Variants in UTRN observed in about 807,000 individuals in gnomAD.
The protein encoded by UTRN is utrophin, also known as dystrophin-related protein 1.
Under a neutral mutation model 463.9 loss-of-function variants are expected in UTRN, and 283 were observed. That is an observed-to-expected ratio of 0.61 (90% confidence interval 0.55 to 0.67). The LOEUF is 0.67. Ranked by LOEUF, UTRN falls within the 30% of genes least tolerant of loss-of-function variation. The probability of loss-of-function intolerance (pLI) is 0.00; values close to 1 mark genes in which losing one functional copy is unlikely to be tolerated. For synonymous variants in UTRN, 1,442 were observed against 1,431.5 expected, an observed-to-expected ratio of 1.01 and a Z score of -0.17; for missense variants, 3,922 against 4,084.3, an observed-to-expected ratio of 0.96 and a Z score of 1.08.
rs1468799727 is a variant in UTRN at position 144,448,633 on chromosome 6, C to A, written c.1936C>A (p.Gln646Lys). ...TQAVAKLGMS[Q>K]IPQKDLLETV... The stretch of plus-strand genomic sequence containing the variant: ...GGCTGTAGCAAAGCTGGGGATGTCT[C>A]AGATTCCTCAGAAGGACCTTTTGGA... Residue 646 changes from glutamine (Q) to lysine (K), a missense_variant, in exon 17 of 75, where the codon CAG becomes AAG. Around this residue, in one of 3 missense-constraint regions of UTRN, gnomAD observed 2,349 missense variants for 2,303.8 expected, o/e 1.02. Transcript: ENST00000367545. The A allele has an allele frequency of 1.2e-5, 19 of 1,613,936 alleles. No homozygotes were observed. The highest frequency in any genetic ancestry group is 1.5e-5 in the Non-Finnish European group (18 of 1,179,896).
intron 51 of UTRN, among the ~76,000 whole-genome samples, chr6:144,600,329 G>GCAGGCCT (rs1392815054): frequency 6.6e-6 from 1 of 152,216 alleles, no homozygotes; most frequent in Non-Finnish European, 1.5e-5. Context: ...CAAAAGCCAG[G>GCAGGCCT]CAGGCCTCTT....
In UTRN at chr6:144,487,694, C is replaced by G. The variant is rs908627327; in HGVS notation, c.3969C>G (p.His1323Gln). Residue 1323 changes from histidine to glutamine, a missense_variant, in exon 29 of 75, where the codon CAC (histidine) becomes CAG (glutamine). His to Gln is a conservative substitution (Grantham distance 24). This residue lies in a region of UTRN where 2,349 missense variants were observed against 2,303.8 expected (regional missense o/e 1.02). Coordinates refer to ENST00000367545, the MANE Select transcript of UTRN (RefSeq NM_007124.3). The stretch of plus-strand genomic sequence containing the variant: ...ACAGCCGATATGAAGATCTAAGTCA[C>G]CTGGTAAGAGTTGGGACATACATGG... ...AFNSRYEDLS[H>Q]LAESKQISLE... 3 of 1,610,796 alleles carry G rather than the reference C, an allele frequency of 1.9e-6. No individual in the cohort carries two copies. The highest frequency in any genetic ancestry group is 3.4e-5 in the Admixed American group (2 of 59,676).
At chr6:144,752,408 G>T (rs1791498600) in intron 56 of UTRN, among the ~76,000 whole-genome samples, 1 of 151,690 alleles carries the variant, frequency 6.6e-6, no homozygotes, top group Non-Finnish European at 1.5e-5. Flanking sequence ...TACCAGTGGT[G>T]TTTACCTTTA....
intron 51 of UTRN, among the ~76,000 whole-genome samples, chr6:144,620,428 C>T (rs9497022): frequency 0.096 from 14,304 of 148,366 alleles, 1,580 homozygotes; most frequent in African/African-American, 0.27. Flanking sequence ...TTTCTTATTT[C>T]AAAAAATCAC....
chr6:144,766,523 CTG>C (rs151157981), intron 58 of UTRN, among the ~76,000 whole-genome samples: 3,554 of 152,224 alleles, frequency 0.023, 64 homozygotes, highest in Non-Finnish European at 0.036. Flanking sequence ...TTCTAATACA[CTG>C]TATAACTTAC....
intron 26 of UTRN, among the ~76,000 whole-genome samples, chr6:144,480,397 A>C (rs1791725320): frequency 6.6e-6 from 1 of 152,166 alleles, no homozygotes. Flanking sequence ...ATTTCCAAAC[A>C]TTTTCACAAA....
chr6:144,331,641 G>C (rs1465932529), intron 2 of UTRN, among the ~76,000 whole-genome samples: 1 of 152,178 alleles, frequency 6.6e-6, no homozygotes, highest in Non-Finnish European at 1.5e-5. Flanking sequence ...GCCAAGTTAC[G>C]TGATAGGCTG....
chr6:144,331,334 A>G (rs1776318265), intron 2 of UTRN, among the ~76,000 whole-genome samples: 1 of 152,214 alleles, frequency 6.6e-6, no homozygotes, highest in Non-Finnish European at 1.5e-5. Context: ...AGCCTGGCAC[A>G]GAACTTGGCA....
chr6:144,492,186 C>A (rs1190263664), intron 32 of UTRN, among the ~76,000 whole-genome samples: 2 of 152,106 alleles, frequency 1.3e-5, no homozygotes, highest in South Asian at 4.1e-4. Context: ...TCCTTCCCTC[C>A]TTTTGGAGTC....
intron 53 of UTRN, among the ~76,000 whole-genome samples, chr6:144,712,132 T>C (rs1785786008): frequency 6.6e-6 from 1 of 152,198 alleles, no homozygotes. Context: ...AAAAATTATT[T>C]TCCAAGTTCC....
At chr6:144,346,027 A>AAG (rs1777535901) in intron 2 of UTRN, among the ~76,000 whole-genome samples, 1 of 151,802 alleles carries the variant, frequency 6.6e-6, no homozygotes, top group Non-Finnish European at 1.5e-5. Context: ...AAAATACAAA[A>AAG]ATTAGTCGGG....
rs1312594166 is a variant in UTRN, at chr6:144,690,087, T to G, written c.7653-10000T>G. Among the ~76,000 whole-genome samples, 11 of 41,360 alleles carry G rather than the reference T, an allele frequency of 2.7e-4. 2 individuals carry two copies. Among genetic ancestry groups the G allele is most frequent in the East Asian group, 1.6e-3 (1 of 610 alleles). 27.1% of individuals were successfully genotyped at this position (41,360 alleles called of 152,430 possible). ...CCAAAAGTTTCTGTTTTTTTTTTTT[T>G]TTTTTTTTTGTGTGTGTGTGTGTGT... On this transcript the variant is annotated intron_variant, in intron 52 of 74. Transcript: ENST00000367545.
chr6:144,655,947 G>A (rs1443906493), intron 51 of UTRN, among the ~76,000 whole-genome samples: 1 of 152,034 alleles, frequency 6.6e-6, no homozygotes, highest in Non-Finnish European at 1.5e-5. Flanking sequence ...TCTTCATTTT[G>A]GCATTGGAAT....
At position 144,761,544 on chromosome 6, in the gene UTRN, G is replaced by T. The variant is rs993284363; in HGVS notation, c.8495+3555G>T. On this transcript the variant is annotated intron_variant, in intron 58 of 74. Coordinates refer to ENST00000367545, the MANE Select transcript of UTRN (RefSeq NM_007124.3). ...CGCCTATAGTCCCAGCAGTCAGGAG[G>T]CTGAGGTGGGAGGATCACTTGAGCC... Among the ~76,000 whole-genome samples, 19 of 152,068 alleles carry T rather than the reference G, an allele frequency of 1.2e-4. 1 individual carries two copies.
At chr6:144,689,812 G>A (rs552653204) in intron 52 of UTRN, among the ~76,000 whole-genome samples, 1 of 152,156 alleles carries the variant, frequency 6.6e-6, no homozygotes, top group African/African-American at 2.4e-5. Context: ...GGCAGACTCA[G>A]GGCCTCCTGG....
chr6:144,404,241 G>C (rs1160136573), intron 3 of UTRN, among the ~76,000 whole-genome samples: 1 of 152,100 alleles, frequency 6.6e-6, no homozygotes, highest in Non-Finnish European at 1.5e-5. Flanking sequence ...TTTGACAGAG[G>C]GTTAAAAATA....
chr6:144,552,194 TGTAAAAAGTATG>T (rs769149424), intron 48 of UTRN, among the ~76,000 whole-genome samples: 42 of 152,360 alleles, frequency 2.8e-4, no homozygotes, highest in Non-Finnish European at 5.1e-4. Context: ...CTACTCTCCC[TGTAAAAAGTATG>T]TTTTGATTTC....
intron 13 of UTRN, 150 bp downstream of exon 13, chr6:144,440,621 C>G: frequency 1.9e-6 from 2 of 1,038,962 alleles, no homozygotes; most frequent in Non-Finnish European, 2.8e-6. Context: ...TGGGGTTCTA[C>G]AGTGTGTGGG....
chr6:144,707,867 T>C (rs1785248133), intron 53 of UTRN, among the ~76,000 whole-genome samples: 1 of 152,180 alleles, frequency 6.6e-6, no homozygotes, highest in Non-Finnish European at 1.5e-5. Flanking sequence ...CCCAGGTGAC[T>C]TCTAATCTCA....
Sources: allele counts gnomAD v4.1 joint callset (sites outside exome capture counted in the v4.1 genomes callset), GRCh38; gene constraint gnomAD v4.1.1; regional missense constraint gnomAD v4.1.1; transcripts MANE v1.5; gene names NCBI Gene and HGNC (gene_info 2026-07-23, HGNC 2026-07-21).